The following PIEZO2 variants were observed in gnomAD, a reference collection of about 807,000 sequenced individuals.
PIEZO2 encodes the protein piezo-type mechanosensitive ion channel component 2.
Under a neutral mutation model 337.3 loss-of-function variants are expected in PIEZO2, and 172 were observed. That is an observed-to-expected ratio of 0.51 (90% CI 0.45 to 0.58). PIEZO2 has a LOEUF of 0.58. Ranked by LOEUF, PIEZO2 falls within the 20% of genes least tolerant of loss-of-function variation. The pLI, the probability that PIEZO2 is intolerant of heterozygous loss-of-function variation, is 0.00. For synonymous variants in PIEZO2, 1,251 were observed against 1,228.5 expected, an observed-to-expected ratio of 1.02 and a Z score of -0.38; for missense variants, 3,028 against 3,391.3, an observed-to-expected ratio of 0.89 and a Z score of 2.66.
At chr18:10,817,132 T>TA (rs2040387684) in intron 7 of PIEZO2, among the ~76,000 whole-genome samples, 1 of 152,234 alleles carries the variant, frequency 6.6e-6, no homozygotes, top group African/African-American at 2.4e-5. Context: ...AGCATTGAGT[T>TA]AAAGTCAGTT....
chr18:11,041,805 T>C (rs569575298), intron 2 of PIEZO2, among the ~76,000 whole-genome samples: 8 of 152,354 alleles, frequency 5.3e-5, no homozygotes, highest in East Asian at 3.9e-4. Flanking sequence ...ACTACCTCTT[T>C]ATTGAAATCT....
At chr18:11,108,420 C>T (rs769732554) in intron 1 of PIEZO2, among the ~76,000 whole-genome samples, 20 of 151,436 alleles carry the variant, frequency 1.3e-4, no homozygotes, top group Admixed American at 3.3e-4. Flanking sequence ...TCGAGACCAT[C>T]CTGGCTAACA....
chr18:10,984,569 G>A (rs955453896), intron 2 of PIEZO2, among the ~76,000 whole-genome samples: 2 of 151,846 alleles, frequency 1.3e-5, no homozygotes, highest in African/African-American at 2.4e-5. Flanking sequence ...AATAAAAAAC[G>A]GTTTTTAAAA....
At position 11,070,739 on chromosome 18, in the gene PIEZO2, C is replaced by T. The variant is rs567923653; in HGVS notation, c.65-4517G>A. 1.3e-5 allele frequency among the ~76,000 whole-genome samples: 2 copies of T among 152,268 alleles called. No individual in the cohort carries two copies. Among genetic ancestry groups the T allele is most frequent in the South Asian group, 4.1e-4 (2 of 4,826 alleles). The stretch of plus-strand genomic sequence containing the variant: ...AAGTGCAGTGAACGTGCTGCCACAA[C>T]CAGGAAGCTGGAAGCAAGAAGGGGA... On this transcript the variant is annotated intron_variant, in intron 1 of 55. Transcript: ENST00000674853. The surrounding 1 kb of genome is among the most constrained non-coding windows in gnomAD (Gnocchi z 4.3).
In PIEZO2 at chr18:10,951,013, T is replaced by TG. The variant is rs572065980; in HGVS notation, c.286+28521dup. On this transcript the variant is annotated intron_variant, in intron 3 of 55. Coordinates refer to ENST00000674853, the MANE Select transcript of PIEZO2 (RefSeq NM_001378183.1). ...TACCCAACTGAAACAGCTGAGAAGC[T>TG]GGGGGAAAAAAACACTCAGGGCACA... Among the ~76,000 whole-genome samples the TG allele has an allele frequency of 1.7e-3, 256 of 152,250 alleles. 2 individuals are homozygous for TG. Among genetic ancestry groups the TG allele is most frequent in the Admixed American group, 4.1e-3 (63 of 15,294 alleles).
At position 10,682,373 on chromosome 18, in the gene PIEZO2, G is replaced by T; in HGVS notation, c.7498-81C>A. On this transcript the variant is annotated intron_variant, in intron 49 of 55. Transcript: ENST00000674853. This position sits in a 1 kb window ranked among gnomAD's most constrained non-coding sequence, Gnocchi z 5.6. ...GCAGCGGGATTGGGGGAGAGCGAGT[G>T]CTCTTCCTGTGGTGCTGGGAACATG... 2 of 1,261,384 alleles carry T rather than the reference G, an allele frequency of 1.6e-6. No individual in the cohort carries two copies. Among genetic ancestry groups the T allele is most frequent in the African/African-American group, 1.5e-5 (1 of 66,854 alleles). 78.1% of individuals were successfully genotyped at this position (1,261,384 alleles called of 1,614,324 possible).
At chr18:11,117,111 C>A (rs1022896327) in intron 1 of PIEZO2, among the ~76,000 whole-genome samples, 2 of 151,770 alleles carry the variant, frequency 1.3e-5, no homozygotes, top group African/African-American at 2.4e-5. Context: ...GTCCCCCCCA[C>A]AAAAAAATTG....
chr18:11,049,214 A>G (rs1484376197), intron 2 of PIEZO2, among the ~76,000 whole-genome samples: 1 of 152,178 alleles, frequency 6.6e-6, no homozygotes, highest in Non-Finnish European at 1.5e-5. Context: ...TGTGAACAGC[A>G]CTGCCAGCCC....
At chr18:11,026,090 G>A (rs1047997251) in intron 2 of PIEZO2, among the ~76,000 whole-genome samples, 3 of 152,154 alleles carry the variant, frequency 2.0e-5, no homozygotes, top group African/African-American at 7.2e-5. Context: ...GCATTGCTTT[G>A]CCGGTTTGCC....
chr18:10,706,626 T>C (rs1206191505), intron 40 of PIEZO2, among the ~76,000 whole-genome samples: 1 of 152,240 alleles, frequency 6.6e-6, no homozygotes, highest in African/African-American at 2.4e-5. Flanking sequence ...GGCATTCTGT[T>C]CTTTTCTCTC....
chr18:10,705,876 G>A (rs1324489165), intron 40 of PIEZO2, 130 bp from the exon 41 acceptor site: 28 of 1,170,714 alleles, frequency 2.4e-5, no homozygotes, highest in Non-Finnish European at 3.1e-5. Flanking sequence ...CATTCCATCT[G>A]CTTTGTTCTT....
intron 49 of PIEZO2, among the ~76,000 whole-genome samples, chr18:10,686,045 G>A (rs1049932408): frequency 3.3e-5 from 5 of 151,966 alleles, no homozygotes; most frequent in Admixed American, 1.3e-4. Context: ...TTTCCTTATC[G>A]TCTCCAGAGA....
intron 8 of PIEZO2, among the ~76,000 whole-genome samples, chr18:10,805,765 C>T (rs2039982816): frequency 6.6e-6 from 1 of 152,228 alleles, no homozygotes; most frequent in Admixed American, 6.5e-5. Flanking sequence ...CATGAGAACC[C>T]TGCTAACAAG....
rs1007938782 is a variant in PIEZO2 at position 10,855,508 on chromosome 18, G to A, written c.762C>T (p.Cys254=). 11 of 1,536,944 alleles carry A rather than the reference G, an allele frequency of 7.2e-6. No individual in the cohort carries two copies. Among genetic ancestry groups the A allele is most frequent in the Admixed American group, 2.0e-5 (1 of 50,964 alleles). Residue 254 remains cysteine (C), a synonymous_variant, in exon 7 of 56, where the codon TGC becomes TGT. Coordinates refer to ENST00000674853, the MANE Select transcript of PIEZO2 (RefSeq NM_001378183.1). This position sits in a 1 kb window ranked among gnomAD's most constrained non-coding sequence, Gnocchi z 4.9. ...ACGTCCGGCACCAGGACCACCAGGTGCACAGACCCAAAAATACAAAAAAAT... is the reference window on the plus strand; with the variant it reads ...ACGTCCGGCACCAGGACCACCAGGTACACAGACCCAAAAATACAAAAAAAT... The part of the protein sequence containing the change: ...SVYFFVFLGL[C]TWWSWCRTFD...
chr18:11,098,796 A>C (rs2039329334), intron 1 of PIEZO2, among the ~76,000 whole-genome samples: 1 of 151,590 alleles, frequency 6.6e-6, no homozygotes, highest in East Asian at 1.9e-4. Context: ...TATTTTGTTT[A>C]TTTAAAAAAA....
chr18:10,812,471 C>T (rs1011667062), intron 7 of PIEZO2, among the ~76,000 whole-genome samples: 5 of 152,090 alleles, frequency 3.3e-5, no homozygotes, highest in African/African-American at 1.2e-4. Flanking sequence ...ATACCTGCAA[C>T]ACGCTATTTA....
Position 10,726,283 on chromosome 18 carries a change from G to A in PIEZO2, c.5029+5124C>T. 5.5e-6 allele frequency: 5 copies of A among 906,184 alleles called. No individual in the cohort carries two copies. The South Asian group carries it at 6.1e-5, about 11-fold the overall frequency. The allele number at this position is 906,184 out of a possible 1,614,324, so 56.1% of individuals were successfully genotyped here. A position where few individuals can be genotyped will look rare whatever the true frequency, so the allele number is the denominator to read the frequency against. On this transcript the variant is annotated intron_variant, in intron 36 of 55. Coordinates refer to ENST00000674853, the MANE Select transcript of PIEZO2 (RefSeq NM_001378183.1). The surrounding 1 kb of genome is among the most constrained non-coding windows in gnomAD (Gnocchi z 5.9). ...TGTTCGGGAGCATGAGAATGGAAGC[G>A]TCGCGGCCAGAGCCCCGGCCAGGTG...
intron 4 of PIEZO2, among the ~76,000 whole-genome samples, chr18:10,875,301 C>G (rs1207067595): frequency 6.6e-6 from 1 of 152,072 alleles, no homozygotes; most frequent in Admixed American, 6.5e-5. Flanking sequence ...GTAATGAAAT[C>G]TGATGAATGA....
At position 10,895,637 on chromosome 18, in the gene PIEZO2, T is replaced by A. The variant is rs530391020; in HGVS notation, c.329+15549A>T. On this transcript the variant is annotated intron_variant, in intron 4 of 55. Coordinates refer to ENST00000674853, the MANE Select transcript of PIEZO2 (RefSeq NM_001378183.1). This position sits in a 1 kb window ranked among gnomAD's most constrained non-coding sequence, Gnocchi z 4.8. ...GGGGTTGCCTCACTCAGGATTTGCA[T>A]TGGAGTGATCCTCAGTTTAACACCT... 4.6e-5 allele frequency among the ~76,000 whole-genome samples: 7 copies of A among 152,154 alleles called. No individual in the cohort carries two copies. In the South Asian group the frequency reaches 1.5e-3, roughly 32 times the overall value.
Sources: allele counts gnomAD v4.1 joint callset (sites outside exome capture counted in the v4.1 genomes callset), GRCh38; gene constraint gnomAD v4.1.1; non-coding constraint Gnocchi (gnomAD v3.1); transcripts MANE v1.5; gene names NCBI Gene and HGNC (gene_info 2026-07-23, HGNC 2026-07-21).